Variants in MTNR1B observed in about 807,000 individuals in gnomAD.
The protein encoded by MTNR1B is melatonin receptor 1B.
A neutral mutation model predicts 7.0 loss-of-function variants in MTNR1B; 7 were observed. The ratio of observed to expected loss-of-function variants is 1.00; its 90% CI spans 0.57 to 1.88. MTNR1B has a LOEUF of 1.88. MTNR1B is among the 40% of genes most tolerant of loss of function. MTNR1B has a pLI of 0.00. For missense variants in MTNR1B, 478 were observed against 486.5 expected, an observed-to-expected ratio of 0.98 and a Z score of 0.16; for synonymous variants, 226 against 208.2, an observed-to-expected ratio of 1.09 and a Z score of -0.74.
chr11:92,984,429 C>G (rs951665203), downstream of MTNR1B, among the ~76,000 whole-genome samples: 1 of 149,472 alleles, frequency 6.7e-6, no homozygotes, highest in African/African-American at 2.5e-5. Flanking sequence ...TCAGTCCACA[C>G]CTCAGTCCCA....
chr11:92,969,744 T>C lies in MTNR1B; in HGVS notation c.19T>C (p.Phe7Leu), dbSNP rs191755162. The C allele has an allele frequency of 1.3e-6, 2 of 1,491,648 alleles. No individual in the cohort carries two copies. Among genetic ancestry groups the C allele is most frequent in the Non-Finnish European group, 1.8e-6 (2 of 1,119,454 alleles). The allele number at this position is 1,491,648 out of a possible 1,614,324, so 92.4% of individuals were successfully genotyped here. A position where few individuals can be genotyped will look rare whatever the true frequency, so the allele number is the denominator to read the frequency against. MSENGS[F>L]ANCCEAGGWA... is the part of the protein sequence containing the mutation. ...GTCTGCGATGTCAGAGAACGGCTCC[T>C]TCGCCAACTGCTGCGAGGCGGGCGG... Residue 7 changes from phenylalanine to leucine, a missense_variant, in exon 1 of 2, where the codon TTC becomes CTC. Physicochemically the swap from Phe to Leu is conservative, Grantham distance 22. Transcript: ENST00000257068.
intron 1 of MTNR1B, among the ~76,000 whole-genome samples, chr11:92,979,025 C>G (rs903544559): frequency 6.6e-6 from 1 of 152,160 alleles, no homozygotes; most frequent in Non-Finnish European, 1.5e-5. Flanking sequence ...AGAAGTGATT[C>G]TCTTCACAGA....
intron 1 of MTNR1B, among the ~76,000 whole-genome samples, chr11:92,979,298 T>A (rs1858059826): frequency 6.6e-6 from 1 of 152,182 alleles, no homozygotes; most frequent in Non-Finnish European, 1.5e-5. Flanking sequence ...GAATCCCTCA[T>A]GTTCTTGGAA....
At chr11:92,971,180 C>T (rs147911750) in intron 1 of MTNR1B, among the ~76,000 whole-genome samples, 20 of 152,136 alleles carry the variant, frequency 1.3e-4, no homozygotes, top group African/African-American at 4.1e-4. Context: ...AGGCTGGTCT[C>T]GAACTCCTGA....
chr11:92,981,844 C>T lies in MTNR1B; in HGVS notation c.621C>T (p.Ile207=). 1 of 1,614,212 alleles carries T rather than the reference C, an allele frequency of 6.2e-7. No homozygotes were observed. Among genetic ancestry groups the T allele is most frequent in the South Asian group, 1.1e-5 (1 of 91,088 alleles). ...AGTACACGGCGGCAGTGGTGGTCAT[C>T]CACTTCCTCCTCCCTATCGCTGTCG... ...STQYTAAVVV[I]HFLLPIAVVS... is the part of the protein sequence containing the mutation. The change falls in exon 2 of 2, where the codon ATC becomes ATT. Residue 207 remains isoleucine, a synonymous_variant. Transcript: ENST00000257068.
rs560205631 is a variant in MTNR1B at position 92,976,890 on chromosome 11, GA to G, written c.224-4554del. 1.2e-4 allele frequency among the ~76,000 whole-genome samples: 19 copies of G among 152,264 alleles called. No homozygotes were observed. In the East Asian group the frequency reaches 3.7e-3, roughly 29 times the overall value. On this transcript the variant is annotated intron_variant, in intron 1 of 1. Transcript: ENST00000257068. ...TGTCTGTTTCTTTATCTATAAAACA[GA>G]AATCATGCTGTCAACCTTAAGGAAT...
chr11:92,979,832 C>T (rs181255470), intron 1 of MTNR1B, among the ~76,000 whole-genome samples: 2 of 152,308 alleles, frequency 1.3e-5, no homozygotes, highest in African/African-American at 2.4e-5. Context: ...CATCCCCATT[C>T]GGACCATGCT....
At chr11:92,982,936 A>ACC (rs71473980), downstream of MTNR1B, among the ~76,000 whole-genome samples, 109 of 49,160 alleles carry the variant, frequency 2.2e-3, 2 homozygotes, top group East Asian at 6.3e-3. Flanking sequence ...AACACACTGC[A>ACC]CCCCCCCCCC....
downstream of MTNR1B, among the ~76,000 whole-genome samples, chr11:92,983,684 G>T (rs189912514): frequency 6.6e-6 from 1 of 152,076 alleles, no homozygotes. Context: ...TTTGTTTAGC[G>T]CCAACAGAAT....
At chr11:92,984,638 A>G (rs1437790853), downstream of MTNR1B, among the ~76,000 whole-genome samples, 2 of 152,138 alleles carry the variant, frequency 1.3e-5, no homozygotes, top group Admixed American at 6.5e-5. Context: ...GCATGTCCAC[A>G]CTTCCTCTCC....
intron 1 of MTNR1B, among the ~76,000 whole-genome samples, chr11:92,976,392 C>T (rs1591904526): frequency 6.6e-6 from 1 of 152,166 alleles, no homozygotes; most frequent in Non-Finnish European, 1.5e-5. Flanking sequence ...CCAGTCCAAC[C>T]TTATGAGCCT....
chr11:92,969,706 A>C lies in MTNR1B; in HGVS notation c.-20A>C, dbSNP rs1207703815. ...TCCGGGGCCGCGCGGTGGCCAAAGCACAGCGCGGGAGAGTCTGCGATGTCA... is the reference window on the plus strand; with the variant it reads ...TCCGGGGCCGCGCGGTGGCCAAAGCCCAGCGCGGGAGAGTCTGCGATGTCA... On this transcript the variant is annotated 5_prime_UTR_variant, in exon 1 of 2. Coordinates refer to ENST00000257068, the MANE Select transcript of MTNR1B (RefSeq NM_005959.5). The C allele has an allele frequency of 1.9e-5, 27 of 1,432,008 alleles. No homozygotes were observed. Among genetic ancestry groups the C allele is most frequent in the Non-Finnish European group, 2.4e-5 (26 of 1,092,848 alleles). The allele number at this position is 1,432,008 out of a possible 1,614,324, so 88.7% of individuals were successfully genotyped here.
downstream of MTNR1B, among the ~76,000 whole-genome samples, chr11:92,984,475 C>G (rs968419048): frequency 1.0e-5 from 1 of 97,116 alleles, no homozygotes; most frequent in Non-Finnish European, 2.1e-5. Context: ...TTCTCAGCCA[C>G]TTTTCCTGGC....
chr11:92,976,617 A>G (rs1858012489), intron 1 of MTNR1B, among the ~76,000 whole-genome samples: 1 of 152,204 alleles, frequency 6.6e-6, no homozygotes, highest in African/African-American at 2.4e-5. Flanking sequence ...CTGATAGAGC[A>G]ATCTCCAGGG....
At chr11:92,971,992 A>G (rs4601728) in intron 1 of MTNR1B, among the ~76,000 whole-genome samples, 23,298 of 152,218 alleles carry the variant, frequency 0.15, 2,700 homozygotes, top group African/African-American at 0.32. Flanking sequence ...GCAGTCTTGC[A>G]ATTTAACCAG....
rs1473569891 is a variant in MTNR1B at position 92,982,560 on chromosome 11, C to A, written c.*248C>A. ...GGTGGTGTCTTGGGGATTTGGTGCA[C>A]ACAAGACCAAGGAAAGGACAGAATG... On this transcript the variant is annotated 3_prime_UTR_variant, in exon 2 of 2. Transcript: ENST00000257068. 1 of 532,124 alleles carries A rather than the reference C, an allele frequency of 1.9e-6. No homozygotes were observed. Among genetic ancestry groups the A allele is most frequent in the East Asian group, 3.2e-5 (1 of 31,424 alleles). 33.0% of individuals were successfully genotyped at this position (532,124 alleles called of 1,614,324 possible).
intron 1 of MTNR1B, among the ~76,000 whole-genome samples, chr11:92,980,644 G>T (rs1332379909): frequency 1.3e-5 from 2 of 152,172 alleles, no homozygotes; most frequent in Non-Finnish European, 2.9e-5. Flanking sequence ...TCCATTCAAA[G>T]GATAAATGCC....
intron 1 of MTNR1B, among the ~76,000 whole-genome samples, chr11:92,974,554 C>A (rs1172566160): frequency 6.6e-5 from 10 of 152,076 alleles, no homozygotes; most frequent in Non-Finnish European, 1.5e-4. Flanking sequence ...ACCTCTCCTG[C>A]CTCAGCCTCC....
chr11:92,980,835 T>C (rs1858091920), intron 1 of MTNR1B, among the ~76,000 whole-genome samples: 1 of 152,186 alleles, frequency 6.6e-6, no homozygotes, highest in South Asian at 2.1e-4. Context: ...AGGGCACAAA[T>C]GGGAATACCA....
Sources: allele counts gnomAD v4.1 joint callset (sites outside exome capture counted in the v4.1 genomes callset), GRCh38; gene constraint gnomAD v4.1.1; transcripts MANE v1.5; gene names NCBI Gene and HGNC (gene_info 2026-07-23, HGNC 2026-07-21).